Variants in EYS observed in about 807,000 individuals in gnomAD.
EYS encodes the protein EGF-like photoreceptor maintenance factor.
In EYS, 250 loss-of-function variants were observed where a neutral mutation model predicts 282.1. That is an observed-to-expected ratio of 0.89 (90% CI 0.80 to 0.98). The LOEUF is 0.98. Ranked by LOEUF, EYS falls within the 50% of genes least tolerant of loss-of-function variation. EYS has a pLI of 0.00. For synonymous variants in EYS, 1,355 were observed against 1,282.9 expected (o/e 1.06, Z -1.20); for missense variants, 4,016 against 3,709.0 (o/e 1.08, Z -2.15).
At chr6:64,402,824 T>C (rs954318167) in intron 28 of EYS, among the ~76,000 whole-genome samples, 5 of 152,224 alleles carry the variant, frequency 3.3e-5, no homozygotes, top group African/African-American at 9.6e-5. Flanking sequence ...GACCTTCTTT[T>C]TCCTTTTGTG....
chr6:64,835,170 A>T (rs908257943), intron 19 of EYS, among the ~76,000 whole-genome samples: 1 of 151,760 alleles, frequency 6.6e-6, no homozygotes, highest in Non-Finnish European at 1.5e-5. Flanking sequence ...ATGTCCTGAA[A>T]TTATGTCTAC....
intron 26 of EYS, among the ~76,000 whole-genome samples, chr6:64,524,524 G>A (rs1582851629): frequency 6.6e-6 from 1 of 151,752 alleles, no homozygotes; most frequent in African/African-American, 2.4e-5. Flanking sequence ...AATTGCACTT[G>A]GCATCTTTGT....
At chr6:65,500,237 A>G (rs775184040) in intron 2 of EYS, among the ~76,000 whole-genome samples, 8 of 152,156 alleles carry the variant, frequency 5.3e-5, no homozygotes, top group Non-Finnish European at 1.0e-4. Flanking sequence ...ATGATTGCCA[A>G]TAAGGCATAG....
chr6:64,657,018 C>A (rs895949060), intron 22 of EYS, among the ~76,000 whole-genome samples: 1 of 152,124 alleles, frequency 6.6e-6, no homozygotes, highest in South Asian at 2.1e-4. Context: ...TAAGGACTTG[C>A]TTTATGAATC....
chr6:63,728,709 G>C (rs1365250782), intron 41 of EYS, among the ~76,000 whole-genome samples: 1 of 151,926 alleles, frequency 6.6e-6, no homozygotes, highest in Non-Finnish European at 1.5e-5. Context: ...TATCCTCTTT[G>C]CTTGCCTATT....
At chr6:64,437,782 C>T (rs1261074491) in intron 27 of EYS, among the ~76,000 whole-genome samples, 1 of 149,966 alleles carries the variant, frequency 6.7e-6, no homozygotes, top group Non-Finnish European at 1.5e-5. Flanking sequence ...GGCAGGAGTG[C>T]CATGGTGCTA....
At chr6:65,330,487 A>G (rs959192239) in intron 11 of EYS, 7 of 984,348 alleles carry the variant, frequency 7.1e-6, no homozygotes, top group African/African-American at 1.7e-5. Flanking sequence ...TCTTTGGCTC[A>G]TTAAACATTT....
chr6:64,493,445 AT>A (rs1776794369), intron 26 of EYS, among the ~76,000 whole-genome samples: 1 of 151,572 alleles, frequency 6.6e-6, no homozygotes, highest in Non-Finnish European at 1.5e-5. Flanking sequence ...TATGATAGAA[AT>A]GTAGAACATT....
chr6:64,290,684 G>C (rs1297692746), intron 30 of EYS, among the ~76,000 whole-genome samples: 1 of 151,886 alleles, frequency 6.6e-6, no homozygotes, highest in African/African-American at 2.4e-5. Context: ...CAGAACGAAG[G>C]TGAGGGGAGA....
At chr6:63,723,637 C>T (rs1323289549) in intron 42 of EYS, among the ~76,000 whole-genome samples, 1 of 151,988 alleles carries the variant, frequency 6.6e-6, no homozygotes. Context: ...TATTTTAACT[C>T]AGCTAGTATG....
At chr6:65,491,556 C>G (rs969750284) in intron 4 of EYS, 3 of 434,288 alleles carry the variant, frequency 6.9e-6, no homozygotes, top group South Asian at 5.0e-5. Context: ...CTCACTAATG[C>G]AGAACTTTTT....
intron 33 of EYS, among the ~76,000 whole-genome samples, chr6:64,052,335 T>C (rs1770835791): frequency 6.6e-6 from 1 of 152,270 alleles, no homozygotes; most frequent in South Asian, 2.1e-4. Flanking sequence ...AGCAACTGTT[T>C]GCTCAAATAA....
At chr6:64,865,060 C>A (rs2882371) in intron 19 of EYS, among the ~76,000 whole-genome samples, 107,659 of 151,878 alleles carry the variant, frequency 0.71, 38,604 homozygotes, top group Admixed American at 0.76. Context: ...ATGTTATTTG[C>A]AGATATCAAG....
intron 12 of EYS, among the ~76,000 whole-genome samples, chr6:65,234,727 CAGTT>C (rs1293381411): frequency 2.0e-5 from 3 of 152,108 alleles, no homozygotes; most frequent in Admixed American, 6.6e-5. Context: ...TTTATATTGT[CAGTT>C]AGCAGGCATA....
intron 30 of EYS, among the ~76,000 whole-genome samples, chr6:64,270,651 AG>A (rs1051101063): frequency 1.3e-5 from 2 of 152,198 alleles, no homozygotes; most frequent in Admixed American, 6.5e-5. Flanking sequence ...TAGCTGATAA[AG>A]AATATATTTG....
chr6:64,276,918 C>G (rs1323394710), intron 30 of EYS, among the ~76,000 whole-genome samples: 1 of 151,922 alleles, frequency 6.6e-6, no homozygotes, highest in Non-Finnish European at 1.5e-5. Context: ...TGCAAAATGT[C>G]AAAAAGTTAT....
intron 22 of EYS, among the ~76,000 whole-genome samples, chr6:64,799,992 C>G (rs1774488147): frequency 6.6e-6 from 1 of 151,904 alleles, no homozygotes; most frequent in Non-Finnish European, 1.5e-5. Context: ...TTAAAAAACT[C>G]ACAATATAAT....
At chr6:65,631,712 GCAAA>G (rs1364151951) in intron 2 of EYS, among the ~76,000 whole-genome samples, 1 of 152,032 alleles carries the variant, frequency 6.6e-6, no homozygotes, top group Non-Finnish European at 1.5e-5. Flanking sequence ...TTTTTAACAT[GCAAA>G]TAAGATTGTG....
intron 1 of EYS, among the ~76,000 whole-genome samples, chr6:65,698,919 C>T (rs1769553940): frequency 6.6e-6 from 1 of 152,130 alleles, no homozygotes; most frequent in African/African-American, 2.4e-5. Context: ...ATTACTTTTT[C>T]CTACAATTAC....
Sources: allele counts gnomAD v4.1 joint callset (sites outside exome capture counted in the v4.1 genomes callset), GRCh38; gene constraint gnomAD v4.1.1; transcripts MANE v1.5; gene names NCBI Gene and HGNC (gene_info 2026-07-23, HGNC 2026-07-21).